Variants in ARHGAP36 observed in about 807,000 individuals in gnomAD.
ARHGAP36 encodes Rho GTPase activating protein 36.
In ARHGAP36, 7 loss-of-function variants were observed where a neutral mutation model predicts 32.9. The ratio of observed to expected loss-of-function variants is 0.21; its 90% CI spans 0.12 to 0.40. The LOEUF is 0.40. Among genes scored for constraint, ARHGAP36 ranks in the 10% least tolerant of loss-of-function variants. ARHGAP36 has a pLI of 1.00. For missense variants in ARHGAP36, 383 were observed against 442.2 expected (o/e 0.87, Z 1.20); for synonymous variants, 165 against 168.3 (o/e 0.98, Z 0.15).
In ARHGAP36 at chrX:131,081,939, T is replaced by C. The variant is rs776523745; in HGVS notation, c.253+21T>C. ...CAGAGGTAAGCTGTACCCCGGATTG[T>C]GGCATCCTCGCCTTCGGGAGAGTGG... is the stretch of plus-strand genomic sequence containing the variant. On this transcript the variant is annotated intron_variant, in intron 2 of 11. Coordinates refer to ENST00000276211, the MANE Select transcript of ARHGAP36 (RefSeq NM_144967.4). 9 of 1,204,876 alleles carry C rather than the reference T, an allele frequency of 7.5e-6. No individual in the cohort carries two copies. In the African/African-American group the frequency reaches 1.6e-4, roughly 21 times the overall value.
rs145996622 is a variant in ARHGAP36 at position 131,078,120 on chromosome X, C to T, written c.-142-3404C>T. ...TTTGAAACATGATTTTTTTTGTAAACTCCAGCCCTCTGCAAAGAACCTTCA... is the reference window on the plus strand; with the variant it reads ...TTTGAAACATGATTTTTTTTGTAAATTCCAGCCCTCTGCAAAGAACCTTCA... On this transcript the variant is annotated intron_variant, in intron 1 of 11. Transcript: ENST00000276211. Among the ~76,000 whole-genome samples the T allele has an allele frequency of 6.4e-3, 711 of 110,497 alleles. 3 individuals carry two copies. Among genetic ancestry groups the T allele is most frequent in the African/African-American group, 0.022 (681 of 30,275 alleles).
At chrX:131,063,193 GA>G (rs2079678583) in intron 1 of ARHGAP36, among the ~76,000 whole-genome samples, 1 of 111,922 alleles carries the variant, frequency 8.9e-6, no homozygotes, top group Non-Finnish European at 1.9e-5. Flanking sequence ...TGTATCAGCA[GA>G]AGTAGGTAGA....
intron 1 of ARHGAP36, among the ~76,000 whole-genome samples, chrX:131,069,321 G>T (rs933311480): frequency 1.3e-4 from 14 of 111,762 alleles, no homozygotes; most frequent in Non-Finnish European, 2.6e-4. Flanking sequence ...ACCCCGTGGC[G>T]CATTATGTAA....
intron 8 of ARHGAP36, 82 bp from the exon 9 acceptor site, chrX:131,085,831 C>T (rs2079832633): frequency 8.5e-7 from 1 of 1,177,123 alleles, no homozygotes; most frequent in African/African-American, 1.8e-5. Context: ...GAGAGAGAAA[C>T]AAGAATAAAA....
intron 1 of ARHGAP36, among the ~76,000 whole-genome samples, chrX:131,061,996 G>A (rs893571558): frequency 2.7e-5 from 3 of 112,303 alleles, no homozygotes; most frequent in East Asian, 5.6e-4. Flanking sequence ...CACCAGGTCC[G>A]TGAGGGTGAT....
In ARHGAP36 at chrX:131,083,779, T is replaced by A. The variant is rs754209656; in HGVS notation, c.365T>A (p.Val122Glu). Residue 122 changes from valine to glutamate, a missense_variant, in exon 4 of 12, where the codon GTG (valine) becomes GAG (glutamate). This residue lies in a region of ARHGAP36 where 156 missense variants were observed against 131.0 expected (regional missense o/e 1.19). Transcript: ENST00000276211. ...GGCATTAGCCTGGAAGAGGTCCTGG[T>A]GAACGAGTTTACCCGCCGCAAGCAT... is the stretch of plus-strand genomic sequence containing the variant. ...TFGISLEEVL[V>E]NEFTRRKHLE... is the part of the protein sequence containing the mutation. 2.3e-5 allele frequency: 28 copies of A among 1,210,016 alleles called. No individual in the cohort carries two copies. Among genetic ancestry groups the A allele is most frequent in the Non-Finnish European group, 3.0e-5 (27 of 895,160 alleles).
chrX:131,061,554 C>A (rs1305252003), intron 1 of ARHGAP36, among the ~76,000 whole-genome samples: 4 of 111,756 alleles, frequency 3.6e-5, no homozygotes, highest in African/African-American at 1.3e-4. Context: ...CCCTGGGGCG[C>A]ACTTTACATA....
intron 1 of ARHGAP36, among the ~76,000 whole-genome samples, chrX:131,067,078 G>A (rs187207130): frequency 1.8e-5 from 2 of 112,306 alleles, no homozygotes; most frequent in Admixed American, 9.4e-5. Flanking sequence ...TCAAAGAAGC[G>A]AGCCCTCAGT....
rs186154639 is a variant in ARHGAP36, at chrX:131,081,358, A to G, written c.-142-166A>G. Among the ~76,000 whole-genome samples, 421 of 110,441 alleles carry G rather than the reference A, an allele frequency of 3.8e-3. 2 individuals carry two copies. Among genetic ancestry groups the G allele is most frequent in the African/African-American group, 0.013 (407 of 30,572 alleles). On this transcript the variant is annotated intron_variant, in intron 1 of 11. Transcript: ENST00000276211. ...AACTAATTAATTAATGGAAAATACT[A>G]TCTTATTTTTGTTTCAAAGTGCTTT... is the stretch of plus-strand genomic sequence containing the variant.
Position 131,084,984 on chromosome X carries a change from C to T in ARHGAP36, c.875C>T (p.Ala292Val). Reference sequence around the variant, plus strand: ...AATCAGAATGTGCATGATGTGGCTGCACTCCTCAAGGAGTTTTTCCGTGAC... The same window carrying T: ...AATCAGAATGTGCATGATGTGGCTGTACTCCTCAAGGAGTTTTTCCGTGAC... ...DDNQNVHDVA[A>V]LLKEFFRDMK... The change falls in exon 7 of 12, where the codon GCA becomes GTA. Residue 292 changes from alanine (A) to valine (V), a missense_variant. By Grantham distance (64) the Ala-to-Val change is moderately conservative. Coordinates refer to ENST00000276211, the MANE Select transcript of ARHGAP36 (RefSeq NM_144967.4). The T allele has an allele frequency of 8.3e-7, 1 of 1,211,727 alleles. No homozygotes were observed. Among genetic ancestry groups the T allele is most frequent in the Non-Finnish European group, 1.1e-6 (1 of 895,441 alleles).
In ARHGAP36 at chrX:131,086,055, G is replaced by A. The variant is rs759041751; in HGVS notation, c.1247G>A (p.Arg416His). The A allele has an allele frequency of 3.1e-5, 38 of 1,209,245 alleles. No individual in the cohort carries two copies. The highest frequency in any genetic ancestry group is 1.8e-4 in the African/African-American group (10 of 57,080). Residue 416 changes from arginine (R) to histidine (H), a missense_variant, in exon 9 of 12, where the codon CGT becomes CAT. By Grantham distance (29) the Arg-to-His change is conservative. Around this residue, in one of 2 missense-constraint regions of ARHGAP36, gnomAD observed 227 missense variants for 311.3 expected, o/e 0.73. Transcript: ENST00000276211. ...DHYVASVNVVRAMIDNWDVLF... is the reference protein window; with the variant it reads ...DHYVASVNVVHAMIDNWDVLF... ...TATGTTGCTTCTGTCAATGTGGTCC[G>A]TGCCATGATTGATAACTGGGATGTC...
At chrX:131,081,105 C>T (rs970407030) in intron 1 of ARHGAP36, among the ~76,000 whole-genome samples, 6 of 109,416 alleles carry the variant, frequency 5.5e-5, no homozygotes, top group African/African-American at 2.0e-4. Flanking sequence ...TTTTCCCTGT[C>T]TGTAGGAAGA....
chrX:131,068,710 G>A (rs1462260128), intron 1 of ARHGAP36, among the ~76,000 whole-genome samples: 2 of 96,665 alleles, frequency 2.1e-5, no homozygotes, highest in African/African-American at 7.8e-5. Context: ...GAGAGAACTG[G>A]CCACTGTTAA....
In ARHGAP36 at chrX:131,083,821, C is replaced by T; in HGVS notation, c.407C>T (p.Thr136Met). Reference sequence around the variant, plus strand: ...CGCAAGCATCTTGAACTGACAGCCACGATGCAGGTTGAAGAAGCCACCGGT... The same window carrying T: ...CGCAAGCATCTTGAACTGACAGCCATGATGCAGGTTGAAGAAGCCACCGGT... ...TRRKHLELTA[T>M]MQVEEATGQA... Residue 136 changes from threonine to methionine, a missense_variant, in exon 4 of 12, where the codon ACG (threonine) becomes ATG (methionine). Thr to Met is a moderately conservative substitution (Grantham distance 81). This residue lies in a region of ARHGAP36 where 156 missense variants were observed against 131.0 expected (regional missense o/e 1.19). Transcript: ENST00000276211. 1 of 1,212,287 alleles carries T rather than the reference C, an allele frequency of 8.2e-7. No individual in the cohort carries two copies. Among genetic ancestry groups the T allele is most frequent in the Non-Finnish European group, 1.1e-6 (1 of 895,633 alleles).
Position 131,089,011 on chromosome X carries a change from C to A in ARHGAP36, c.*226C>A. 1 of 405,886 alleles carries A rather than the reference C, an allele frequency of 2.5e-6. No individual in the cohort carries two copies. The highest frequency in any genetic ancestry group is 3.9e-6 in the Non-Finnish European group (1 of 255,799). 33.4% of individuals were successfully genotyped at this position (405,886 alleles called of 1,213,427 possible). On this transcript the variant is annotated 3_prime_UTR_variant, in exon 12 of 12. Transcript: ENST00000276211. ...AAGCAGAGATGTTTCTGTGTCATGC[C>A]CAAGCTCCCCGGTGCTACCTTGCCT...
intron 1 of ARHGAP36, among the ~76,000 whole-genome samples, chrX:131,075,621 A>ATGTG (rs764591310): frequency 1.2e-3 from 33 of 28,390 alleles, no homozygotes; most frequent in Admixed American, 2.5e-3. Context: ...GTGTGTATAT[A>ATGTG]TATGTGTGTG....
Position 131,081,794 on chromosome X carries a change from C to A in ARHGAP36, c.129C>A (p.Pro43=). The change falls in exon 2 of 12, where the codon CCC becomes CCA. Residue 43 remains proline (P), a synonymous_variant. Coordinates refer to ENST00000276211, the MANE Select transcript of ARHGAP36 (RefSeq NM_144967.4). The stretch of plus-strand genomic sequence containing the variant: ...TGGGAGGAGCCCCAGGACACAACCC[C>A]GACCGCAGGACGAAGATGGTATCGA... ...SVLGGAPGHN[P]DRRTKMVSIH... 8.3e-7 allele frequency: 1 copy of A among 1,211,988 alleles called. No individual in the cohort carries two copies. Among genetic ancestry groups the A allele is most frequent in the Non-Finnish European group, 1.1e-6 (1 of 895,600 alleles).
intron 4 of ARHGAP36, 45 bp downstream of exon 4, chrX:131,084,014 T>A: frequency 8.6e-7 from 1 of 1,165,947 alleles, no homozygotes; most frequent in South Asian, 1.8e-5. Flanking sequence ...TCTCCTGAGG[T>A]ATGCAGGAAT....
At chrX:131,074,030 G>A (rs2079746923) in intron 1 of ARHGAP36, among the ~76,000 whole-genome samples, 1 of 110,830 alleles carries the variant, frequency 9.0e-6, no homozygotes, top group Non-Finnish European at 1.9e-5. Flanking sequence ...TTGGATGCTT[G>A]TTGGGGAAGA....
Sources: allele counts gnomAD v4.1 joint callset (sites outside exome capture counted in the v4.1 genomes callset), GRCh38; gene constraint gnomAD v4.1.1; regional missense constraint gnomAD v4.1.1; transcripts MANE v1.5; gene names NCBI Gene and HGNC (gene_info 2026-07-23, HGNC 2026-07-21).